COL12A1: variants seen among roughly 807,000 people sequenced by gnomAD.
COL12A1 encodes the protein collagen alpha-1(XII) chain.
COL12A1 carries 114 observed loss-of-function variants against 349.7 expected under a neutral mutation model. The observed-to-expected ratio is 0.33, with a 90% CI of 0.28 to 0.38. The LOEUF is 0.38. COL12A1 is among the 10% of genes least tolerant of loss of function. The probability of loss-of-function intolerance (pLI) is 1.00; values close to 1 mark genes in which losing one functional copy is unlikely to be tolerated. For synonymous variants in COL12A1, 1,369 were observed against 1,329.0 expected (o/e 1.03, Z -0.66); for missense variants, 3,284 against 3,756.9 (o/e 0.87, Z 3.29).
At chr6:75,198,819 A>G (rs974354956) in intron 2 of COL12A1, among the ~76,000 whole-genome samples, 2 of 152,182 alleles carry the variant, frequency 1.3e-5, no homozygotes, top group Non-Finnish European at 2.9e-5. Flanking sequence ...CTAAGAATAC[A>G]CTACTAAAAT....
chr6:75,195,786 G>A (rs990832746), intron 2 of COL12A1, among the ~76,000 whole-genome samples: 3 of 152,074 alleles, frequency 2.0e-5, no homozygotes, highest in African/African-American at 4.8e-5. Flanking sequence ...AGATTAAAAT[G>A]CCAGTATGGT....
chr6:75,139,189 A>G lies in COL12A1; in HGVS notation c.4958-228T>C, dbSNP rs116043772. Among the ~76,000 whole-genome samples, 472 of 152,296 alleles carry G rather than the reference A, an allele frequency of 3.1e-3. 1 individual carries two copies. Among genetic ancestry groups the G allele is most frequent in the African/African-American group, 0.011 (457 of 41,532 alleles). On this transcript the variant is annotated intron_variant, in intron 27 of 65. Coordinates refer to ENST00000322507, the MANE Select transcript of COL12A1 (RefSeq NM_004370.6). ...CTATTTAAATGATTATTTTTTTAAG[A>G]TACCATTTAGTACCTTTCTCCAACT...
At chr6:75,162,081 G>A (rs1562252961) in intron 14 of COL12A1, among the ~76,000 whole-genome samples, 1 of 152,280 alleles carries the variant, frequency 6.6e-6, no homozygotes, top group Middle Eastern at 3.4e-3. Flanking sequence ...ACTGCCCAAA[G>A]TAATTTATAG....
chr6:75,144,159 T>C (rs1261495671), intron 25 of COL12A1, among the ~76,000 whole-genome samples: 1 of 152,170 alleles, frequency 6.6e-6, no homozygotes, highest in African/African-American at 2.4e-5. Flanking sequence ...TCCTCTACTG[T>C]TCCAGTCCAG....
chr6:75,127,362 G>A (rs1348646776), intron 38 of COL12A1, among the ~76,000 whole-genome samples: 1 of 152,144 alleles, frequency 6.6e-6, no homozygotes, highest in African/African-American at 2.4e-5. Flanking sequence ...GTCAACTCTA[G>A]TCCTGCTTTT....
intron 56 of COL12A1, 145 bp from the exon 57 acceptor site, chr6:75,102,197 G>T: frequency 1.3e-6 from 1 of 752,146 alleles, no homozygotes; most frequent in Non-Finnish European, 2.2e-6. Context: ...ATTTTTGAAA[G>T]GAGATGAATA....
At chr6:75,091,954 A>G (rs539992180) in intron 60 of COL12A1, among the ~76,000 whole-genome samples, 1 of 152,348 alleles carries the variant, frequency 6.6e-6, no homozygotes, top group Non-Finnish European at 1.5e-5. Context: ...GTCTCCATTC[A>G]GTCTCACTAA....
chr6:75,145,618 T>C (rs1767140744), intron 24 of COL12A1, among the ~76,000 whole-genome samples, 163 bp from the exon 25 acceptor site: 1 of 151,654 alleles, frequency 6.6e-6, no homozygotes, highest in African/African-American at 2.4e-5. Context: ...TTTCTTTTTT[T>C]TTTTTTTTTT....
intron 13 of COL12A1, among the ~76,000 whole-genome samples, chr6:75,169,468 A>T (rs1768510264): frequency 1.3e-5 from 2 of 152,174 alleles, no homozygotes; most frequent in Non-Finnish European, 2.9e-5. Context: ...ACTTTTTGCC[A>T]TGTAGTCACT....
At chr6:75,136,192 T>C (rs546701143) in intron 31 of COL12A1, among the ~76,000 whole-genome samples, 3 of 152,268 alleles carry the variant, frequency 2.0e-5, no homozygotes, top group South Asian at 4.1e-4. Context: ...TTTACCGAAA[T>C]CTGGCATGCC....
At chr6:75,093,420 C>T (rs532471628) in intron 60 of COL12A1, among the ~76,000 whole-genome samples, 15 of 152,246 alleles carry the variant, frequency 9.9e-5, no homozygotes, top group Non-Finnish European at 1.5e-4. Flanking sequence ...ATGATTAAGC[C>T]AAGCTCTCTG....
At chr6:75,125,994 A>G (rs1425148495) in intron 39 of COL12A1, among the ~76,000 whole-genome samples, 1 of 152,182 alleles carries the variant, frequency 6.6e-6, no homozygotes, top group Non-Finnish European at 1.5e-5. Context: ...TGCCCAAAAT[A>G]AAATAATACC....
intron 35 of COL12A1, among the ~76,000 whole-genome samples, chr6:75,131,378 G>C (rs966440596): frequency 6.6e-6 from 1 of 152,174 alleles, no homozygotes; most frequent in Non-Finnish European, 1.5e-5. Flanking sequence ...TACAGGTAAA[G>C]TTGTCTTAAT....
Position 75,085,298 on chromosome 6 carries a change from G to T in COL12A1, c.*1249C>A, listed in dbSNP as rs1767431881. On this transcript the variant is annotated 3_prime_UTR_variant, in exon 66 of 66. Coordinates refer to ENST00000322507, the MANE Select transcript of COL12A1 (RefSeq NM_004370.6). ...AGTCCTCGTATTCCGCTGTCCGCTC[G>T]GGCTCCACCGGCACGATGAAGGGCT... 2.1e-6 allele frequency: 1 copy of T among 471,004 alleles called. No individual in the cohort carries two copies. The allele number at this position is 471,004 out of a possible 1,614,324, so 29.2% of individuals were successfully genotyped here. A position where few individuals can be genotyped will look rare whatever the true frequency, so the allele number is the denominator to read the frequency against.
In COL12A1 at chr6:75,181,076, G is replaced by A; in HGVS notation, c.2027C>T (p.Thr676Ile). 6.2e-7 allele frequency: 1 copy of A among 1,613,976 alleles called. No homozygotes were observed. Among genetic ancestry groups the A allele is most frequent in the Non-Finnish European group, 8.5e-7 (1 of 1,179,994 alleles). ...GGTGCTCGATGCTGGCTCCACCACA[G>A]TGACCTCATCATCCCCAGCCGCTTC... is the stretch of plus-strand genomic sequence containing the variant. Reference protein sequence around the residue: ...YKEAAGDDEVTVVEPASSTSV... With the variant: ...YKEAAGDDEVIVVEPASSTSV... The change falls in exon 11 of 66, where the codon ACT becomes ATT. Residue 676 changes from threonine to isoleucine, a missense_variant. Coordinates refer to ENST00000322507, the MANE Select transcript of COL12A1 (RefSeq NM_004370.6).
At chr6:75,136,086 G>A (rs1334716017) in intron 31 of COL12A1, among the ~76,000 whole-genome samples, 5 of 152,108 alleles carry the variant, frequency 3.3e-5, no homozygotes, top group African/African-American at 7.2e-5. Flanking sequence ...ATAGCAAACA[G>A]CTGAAAGACA....
At position 75,189,553 on chromosome 6, in the gene COL12A1, T is replaced by G; in HGVS notation, c.657A>C (p.Thr219=). The part of the protein sequence containing the change: ...KIPYKGGNTM[T]GDAIDYLVKN... ...TTTAAAAAAATCTGTAGAACATACCTGTCATTGTGTTGCCACCTTTATATG... is the reference window on the plus strand; with the variant it reads ...TTTAAAAAAATCTGTAGAACATACCGGTCATTGTGTTGCCACCTTTATATG... Residue 219 remains threonine (T), a splice_region_variant and synonymous_variant, in exon 6 of 66, where the codon ACA becomes ACC. Transcript: ENST00000322507. The G allele has an allele frequency of 6.8e-6, 11 of 1,611,290 alleles. No homozygotes were observed. The highest frequency in any genetic ancestry group is 9.3e-6 in the Non-Finnish European group (11 of 1,178,638).
In COL12A1 at chr6:75,135,986, G is replaced by A. The variant is rs72893608; in HGVS notation, c.5395-1131C>T. Among the ~76,000 whole-genome samples, 97 of 152,128 alleles carry A rather than the reference G, an allele frequency of 6.4e-4. No individual in the cohort carries two copies. In the South Asian group the frequency reaches 0.012, roughly 19 times the overall value. On this transcript the variant is annotated intron_variant, in intron 31 of 65. Transcript: ENST00000322507. ...TTATTCATCATTTTCATGATTTCAC[G>A]GACTAGTGTTAAAATCCAAGTACCC...
chr6:75,204,357 A>C (rs1184732605), intron 1 of COL12A1, among the ~76,000 whole-genome samples: 1 of 151,950 alleles, frequency 6.6e-6, no homozygotes, highest in Non-Finnish European at 1.5e-5. Context: ...ATTTTTTTTT[A>C]ACAGCTGAAC....
Sources: allele counts gnomAD v4.1 joint callset (sites outside exome capture counted in the v4.1 genomes callset), GRCh38; gene constraint gnomAD v4.1.1; transcripts MANE v1.5; gene names NCBI Gene and HGNC (gene_info 2026-07-23, HGNC 2026-07-21).